The following IL17RD variants were observed in gnomAD, a reference collection of about 807,000 sequenced individuals.
IL17RD encodes interleukin-17 receptor D.
In IL17RD, 52 loss-of-function variants were observed where a neutral mutation model predicts 80.5. That is an observed-to-expected ratio of 0.65 (90% CI 0.52 to 0.81). The LOEUF (loss-of-function observed/expected upper bound fraction) is 0.81. IL17RD is among the 40% of genes least tolerant of loss of function. The pLI, the probability that IL17RD is intolerant of heterozygous loss-of-function variation, is 0.00. For synonymous variants in IL17RD, 416 were observed against 391.8 expected, an observed-to-expected ratio of 1.06 and a Z score of -0.73; for missense variants, 1,024 against 955.1, an observed-to-expected ratio of 1.07 and a Z score of -0.95.
upstream of IL17RD, chr3:57,170,274 C>G (rs1205271158): frequency 6.6e-6 from 1 of 152,292 alleles, no homozygotes; most frequent in Non-Finnish European, 1.5e-5. Context: ...GGCCACTTCC[C>G]GTTTCTTTTC....
rs747163991 is a variant in IL17RD at position 57,109,504 on chromosome 3, T to TC, written c.550+32dup. On this transcript the variant is annotated intron_variant, in intron 5 of 12. Coordinates refer to ENST00000296318, the MANE Select transcript of IL17RD (RefSeq NM_017563.5). ...TCATTAAAAGCGGAGAAAAGTCTTC[T>TC]CATGGGAACCAGGCAGGAAAGGCCA... The TC allele has an allele frequency of 1.6e-5, 26 of 1,594,150 alleles. No homozygotes were observed. The Admixed American group carries it at 1.9e-4, about 11-fold the overall frequency.
At chr3:57,134,759 G>T (rs549807795) in intron 1 of IL17RD, 2 of 506,410 alleles carry the variant, frequency 3.9e-6, no homozygotes. Flanking sequence ...TGGCCTCAGC[G>T]ATTACGTAGA....
At chr3:57,142,282 A>G (rs1159342558) in intron 1 of IL17RD, among the ~76,000 whole-genome samples, 1 of 152,240 alleles carries the variant, frequency 6.6e-6, no homozygotes, top group African/African-American at 2.4e-5. Context: ...GAGCCAATAC[A>G]TTCCTTCTGG....
chr3:57,128,642 G>T (rs545459188), intron 1 of IL17RD, among the ~76,000 whole-genome samples: 1 of 150,736 alleles, frequency 6.6e-6, no homozygotes, highest in East Asian at 2.3e-4. Context: ...TTGTTTCTCC[G>T]ACAGCAACTT....
chr3:57,108,948 T>G (rs994831078), intron 5 of IL17RD, among the ~76,000 whole-genome samples: 4 of 151,640 alleles, frequency 2.6e-5, no homozygotes, highest in African/African-American at 9.8e-5. Context: ...TGCCTGGTAA[T>G]GCAGACTGTC....
At chr3:57,168,514 G>A (rs145694817), upstream of IL17RD, among the ~76,000 whole-genome samples, 64 of 152,272 alleles carry the variant, frequency 4.2e-4, no homozygotes, top group African/African-American at 1.4e-3. Flanking sequence ...CAGGGATGGG[G>A]AGGCCCTCCT....
At chr3:57,103,035 C>T in intron 9 of IL17RD, 56 bp downstream of exon 9, 1 of 1,237,920 alleles carries the variant, frequency 8.1e-7, no homozygotes, top group South Asian at 1.3e-5. Flanking sequence ...CAGAGAGTAT[C>T]ACATACCTTG....
At chr3:57,152,336 A>AG (rs2060232842) in intron 1 of IL17RD, among the ~76,000 whole-genome samples, 2 of 152,216 alleles carry the variant, frequency 1.3e-5, no homozygotes, top group Admixed American at 1.3e-4. Flanking sequence ...CAGGCCACAG[A>AG]GGGGACTGTG....
intron 7 of IL17RD, among the ~76,000 whole-genome samples, chr3:57,105,642 A>G (rs927185513): frequency 1.3e-5 from 2 of 151,238 alleles, no homozygotes; most frequent in African/African-American, 4.9e-5. Context: ...TTACCAGGCT[A>G]TATCACCACC....
At chr3:57,127,395 AATAT>A (rs369292371) in intron 1 of IL17RD, among the ~76,000 whole-genome samples, 1 of 86,640 alleles carries the variant, frequency 1.2e-5, no homozygotes, top group Non-Finnish European at 2.0e-5. Context: ...TAAATAAATA[AATAT>A]ATATATATAT....
chr3:57,127,285 A>AAAT (rs1259560638), intron 1 of IL17RD, among the ~76,000 whole-genome samples: 2 of 88,034 alleles, frequency 2.3e-5, no homozygotes, highest in Non-Finnish European at 3.8e-5. Context: ...AATATATATA[A>AAAT]ATATATATAA....
intron 1 of IL17RD, among the ~76,000 whole-genome samples, chr3:57,146,017 G>GCA (rs1006386513): frequency 6.9e-6 from 1 of 144,772 alleles, no homozygotes; most frequent in Non-Finnish European, 1.5e-5. Context: ...AAGCGTGCGC[G>GCA]CACACACACA....
intron 2 of IL17RD, among the ~76,000 whole-genome samples, chr3:57,118,526 C>T (rs571463834): frequency 6.6e-6 from 1 of 152,266 alleles, no homozygotes; most frequent in Admixed American, 6.5e-5. Flanking sequence ...GAGTCAAGTT[C>T]CTTCTTGTCA....
In IL17RD at chr3:57,161,285, C is replaced by T. The variant is rs569298513; in HGVS notation, c.126+3876G>A. Among the ~76,000 whole-genome samples, 6 of 152,300 alleles carry T rather than the reference C, an allele frequency of 3.9e-5. No homozygotes were observed. The East Asian group carries it at 1.2e-3, about 29-fold the overall frequency. On this transcript the variant is annotated intron_variant, in intron 1 of 12. Transcript: ENST00000296318. ...CAGATGTGGGCTTAGGAGCCATGAG[C>T]TGCAAGTGAATGAAAATGCATCCAA...
At chr3:57,122,812 T>C (rs928105457) in intron 1 of IL17RD, among the ~76,000 whole-genome samples, 6 of 144,672 alleles carry the variant, frequency 4.1e-5, no homozygotes, top group Admixed American at 2.9e-4. Flanking sequence ...GAAGATCAAA[T>C]GAAGCCGGGT....
At chr3:57,134,466 G>C in intron 1 of IL17RD, 1 of 866,654 alleles carries the variant, frequency 1.2e-6, no homozygotes, top group Non-Finnish European at 1.9e-6. Flanking sequence ...AAGATACTGT[G>C]AATCTAAGAA....
chr3:57,156,481 C>T (rs2060268193), intron 1 of IL17RD, among the ~76,000 whole-genome samples: 1 of 152,154 alleles, frequency 6.6e-6, no homozygotes, highest in African/African-American at 2.4e-5. Context: ...AGGAGAATTG[C>T]CTAAGCCTAG....
Position 57,093,587 on chromosome 3 carries a change from C to T in IL17RD, c.*2806G>A, listed in dbSNP as rs1706605312. On this transcript the variant is annotated 3_prime_UTR_variant, in exon 13 of 13. Transcript: ENST00000296318. ...ATTTGCTCAAGATACTATTATCTGG[C>T]TGGGTCACCATCTGAATACCTGGGC... 1 of 152,236 alleles carries T rather than the reference C, an allele frequency of 6.6e-6. No individual in the cohort carries two copies. Among genetic ancestry groups the T allele is most frequent in the Admixed American group, 6.5e-5 (1 of 15,276 alleles). 9.4% of individuals were successfully genotyped at this position (152,236 alleles called of 1,614,324 possible). A position where few individuals can be genotyped will look rare whatever the true frequency, so the allele number is the denominator to read the frequency against.
At chr3:57,153,563 G>T (rs2060244345) in intron 1 of IL17RD, among the ~76,000 whole-genome samples, 1 of 152,252 alleles carries the variant, frequency 6.6e-6, no homozygotes, top group Admixed American at 6.5e-5. Flanking sequence ...CCTAGAATGT[G>T]ATGCAGAAAG....
Sources: gnomAD v4.1 joint callset for allele counts (sites outside exome capture counted in the v4.1 genomes callset) on GRCh38, gnomAD v4.1.1 for gene constraint, MANE v1.5 for transcripts, NCBI Gene and HGNC (gene_info 2026-07-23, HGNC 2026-07-21) for gene names.